CCDC146: variants seen among roughly 807,000 people sequenced by gnomAD.
The protein encoded by CCDC146 is coiled-coil domain-containing protein 146.
A neutral mutation model predicts 119.3 loss-of-function variants in CCDC146; 92 were observed. The observed-to-expected ratio is 0.77, with a 90% confidence interval of 0.65 to 0.92. The LOEUF (loss-of-function observed/expected upper bound fraction) is 0.92, where lower values mean the gene tolerates loss of function less well. Among genes scored for constraint, CCDC146 ranks in the 40% least tolerant of loss-of-function variants. CCDC146 has a pLI of 0.00. For missense variants in CCDC146, 1,000 were observed against 1,103.0 expected (o/e 0.91, Z 1.32); for synonymous variants, 372 against 371.8 (o/e 1.00, Z -0.01).
At position 77,287,461 on chromosome 7, in the gene CCDC146, AAGG is replaced by A. The variant is rs767902993; in HGVS notation, c.2305_2307del (p.Glu769del). On this transcript the variant is annotated inframe_deletion, in exon 17 of 19. Transcript: ENST00000285871. ...ATAGCTGGAACTACAACTGGCCAAG[AAGG>A]AGGAGAAGCTGCTGGAGAAGGATTT... 1 of 1,614,072 alleles carries A rather than the reference AAGG, an allele frequency of 6.2e-7. No homozygotes were observed. Among genetic ancestry groups the A allele is most frequent in the Non-Finnish European group, 8.5e-7 (1 of 1,179,982 alleles).
At chr7:77,197,541 C>T (rs1791897648) in intron 2 of CCDC146, among the ~76,000 whole-genome samples, 2 of 152,216 alleles carry the variant, frequency 1.3e-5, no homozygotes, top group African/African-American at 4.8e-5. Flanking sequence ...GATTCTAACT[C>T]TCCTAGAACT....
At chr7:77,250,218 C>T (rs891602681) in intron 4 of CCDC146, among the ~76,000 whole-genome samples, 2 of 152,114 alleles carry the variant, frequency 1.3e-5, no homozygotes, top group East Asian at 1.9e-4. Flanking sequence ...ACAGTGTTAT[C>T]GAGTATCTCA....
intron 18 of CCDC146, 52 bp downstream of exon 18, chr7:77,293,252 A>G (rs1292865968): frequency 6.4e-7 from 1 of 1,564,302 alleles, no homozygotes. Context: ...CAGGGGTTGC[A>G]TTCAGGCAAC....
chr7:77,179,929 A>G (rs936872221), intron 2 of CCDC146, among the ~76,000 whole-genome samples: 3 of 152,166 alleles, frequency 2.0e-5, no homozygotes, highest in Non-Finnish European at 4.4e-5. Context: ...AAGGAGAATC[A>G]TACAGTATTT....
chr7:77,132,482 C>T (rs1452396862), intron 1 of CCDC146, among the ~76,000 whole-genome samples: 7 of 141,862 alleles, frequency 4.9e-5, no homozygotes, highest in Middle Eastern at 3.9e-3. Flanking sequence ...TTTGGGAAGC[C>T]GAGATGGGAG....
At chr7:77,241,581 GT>G in intron 3 of CCDC146, 109 bp from the exon 4 acceptor site, 1 of 869,260 alleles carries the variant, frequency 1.2e-6, no homozygotes, top group Admixed American at 2.3e-5. Flanking sequence ...ATGTCCCAGA[GT>G]TGAGTTGATC....
chr7:77,243,934 A>C (rs1792897193), intron 4 of CCDC146, among the ~76,000 whole-genome samples: 1 of 152,134 alleles, frequency 6.6e-6, no homozygotes, highest in Non-Finnish European at 1.5e-5. Context: ...GCTGGAGTGC[A>C]GTAGTGCAAT....
Position 77,292,958 on chromosome 7 carries a change from G to A in CCDC146, c.2422G>A (p.Gly808Ser). 1 of 1,613,248 alleles carries A rather than the reference G, an allele frequency of 6.2e-7. No individual in the cohort carries two copies. Among genetic ancestry groups the A allele is most frequent in the Non-Finnish European group, 8.5e-7 (1 of 1,179,906 alleles). Residue 808 changes from glycine to serine, a missense_variant, in exon 18 of 19, where the codon GGC becomes AGC. This residue lies in a region of CCDC146 where 985 missense variants were observed against 1,045.3 expected (regional missense o/e 0.94). Transcript: ENST00000285871. ...DTLLLAKKMNGYQRRIKNATE... is the reference protein window; with the variant it reads ...DTLLLAKKMNSYQRRIKNATE... ...TTGGGCTCTTTAATTCTAGATGAAT[G>A]GCTATCAAAGAAGGATCAAAAATGC...
intron 6 of CCDC146, 60 bp downstream of exon 6, chr7:77,256,569 G>A: frequency 1.5e-6 from 2 of 1,358,930 alleles, no homozygotes; most frequent in East Asian, 2.4e-5. Flanking sequence ...AAAGTGTGTG[G>A]GTATCAAGAG....
chr7:77,187,222 G>C (rs1273559603), intron 2 of CCDC146, among the ~76,000 whole-genome samples: 1 of 152,206 alleles, frequency 6.6e-6, no homozygotes, highest in African/African-American at 2.4e-5. Context: ...CAGTAGAACA[G>C]TGGGTTTTGC....
rs1792856449 is a variant in CCDC146, at chr7:77,241,910, C to G, written c.449+10C>G. The G allele has an allele frequency of 6.3e-7, 1 of 1,587,030 alleles. No individual in the cohort carries two copies. The highest frequency in any genetic ancestry group is 1.3e-5 in the African/African-American group (1 of 74,180). On this transcript the variant is annotated intron_variant, in intron 4 of 18. Coordinates refer to ENST00000285871, the MANE Select transcript of CCDC146 (RefSeq NM_020879.3). ...AGTACAGATTAAATAGGTAAGTGCA[C>G]AGTTCTCTCCGGCACACTGAAAAGT...
intron 2 of CCDC146, among the ~76,000 whole-genome samples, chr7:77,212,342 C>T (rs28492906): frequency 0.027 from 4,106 of 152,102 alleles, 180 homozygotes; most frequent in African/African-American, 0.093. Flanking sequence ...ATATTGAAGG[C>T]TGGGCATGGT....
In CCDC146 at chr7:77,293,039, A is replaced by T; in HGVS notation, c.2503A>T (p.Ile835Phe). The T allele has an allele frequency of 6.2e-7, 1 of 1,614,204 alleles. No homozygotes were observed. Among genetic ancestry groups the T allele is most frequent in the African/African-American group, 1.3e-5 (1 of 75,050 alleles). ...AELSMKQALT[I>F]ELQKEVREKE... The stretch of plus-strand genomic sequence containing the variant: ...GCTGTCCATGAAACAAGCCCTAACC[A>T]TTGAACTCCAAAAGGAAGTCAGGGA... The change falls in exon 18 of 19, where the codon ATT becomes TTT. Residue 835 changes from isoleucine (I) to phenylalanine (F), a missense_variant. By Grantham distance (21) the Ile-to-Phe change is conservative. Transcript: ENST00000285871.
intron 1 of CCDC146, among the ~76,000 whole-genome samples, chr7:77,135,198 G>A (rs1261877289): frequency 6.6e-6 from 1 of 152,156 alleles, no homozygotes; most frequent in Non-Finnish European, 1.5e-5. Flanking sequence ...TCTTTATTTA[G>A]AAGTTTGGAC....
At chr7:77,162,372 A>G (rs1300308100) in intron 1 of CCDC146, among the ~76,000 whole-genome samples, 1 of 152,196 alleles carries the variant, frequency 6.6e-6, no homozygotes, top group Non-Finnish European at 1.5e-5. Flanking sequence ...GTGGCTATCC[A>G]ATTTCCCTAA....
intron 2 of CCDC146, among the ~76,000 whole-genome samples, chr7:77,197,750 T>C (rs1378789415): frequency 6.6e-6 from 1 of 152,218 alleles, no homozygotes; most frequent in Non-Finnish European, 1.5e-5. Flanking sequence ...GAAGTATCTT[T>C]TTCAATGACA....
At chr7:77,232,850 G>A (rs1018896030) in intron 2 of CCDC146, among the ~76,000 whole-genome samples, 22 of 152,220 alleles carry the variant, frequency 1.4e-4, no homozygotes, top group African/African-American at 5.1e-4. Flanking sequence ...CAATAGGAAA[G>A]TGGGGGACAT....
At chr7:77,225,748 GCCTGGTCAGCATGGTGAAA>G (rs1372071934) in intron 2 of CCDC146, among the ~76,000 whole-genome samples, 2 of 152,070 alleles carry the variant, frequency 1.3e-5, no homozygotes, top group Non-Finnish European at 2.9e-5. Context: ...TTCAAGACCA[GCCTGGTCAGCATGGTGAAA>G]CCCCGTCTCT....
At chr7:77,218,909 T>TA (rs1399358970) in intron 2 of CCDC146, among the ~76,000 whole-genome samples, 1 of 152,100 alleles carries the variant, frequency 6.6e-6, no homozygotes, top group East Asian at 1.9e-4. Flanking sequence ...CTCTATTTTT[T>TA]AAAAAAACTT....
Sources: allele counts gnomAD v4.1 joint callset (sites outside exome capture counted in the v4.1 genomes callset), GRCh38; gene constraint gnomAD v4.1.1; regional missense constraint gnomAD v4.1.1; transcripts MANE v1.5; gene names NCBI Gene and HGNC (gene_info 2026-07-23, HGNC 2026-07-21).